Variants in MTNAP1 observed in about 807,000 individuals in gnomAD.
MTNAP1 encodes the protein mitochondrial nucleoid associated protein 1, also known as mitochondrial nucleoid-associated protein 1.
chr17:73,233,045 G>C, the MTNAP1 span: 1 of 152,676 alleles, frequency 6.5e-6, no homozygotes, highest in Admixed American at 6.5e-5. Context: ...GCTGGAGAGC[G>C]CCGGAGGTGA....
At chr17:73,247,320 C>T in the MTNAP1 span, 5 of 1,614,204 alleles carry the variant, frequency 3.1e-6, no homozygotes, top group South Asian at 3.3e-5. Context: ...GGGATTGCCG[C>T]TCTAAAACAT....
the MTNAP1 span, among the ~76,000 whole-genome samples, chr17:73,241,269 T>G: frequency 6.6e-6 from 1 of 152,214 alleles, no homozygotes; most frequent in Admixed American, 6.5e-5. Flanking sequence ...GCCATTCTCC[T>G]GCCTCAGTCT....
the MTNAP1 span, chr17:73,236,551 A>C: frequency 6.2e-7 from 1 of 1,614,102 alleles, no homozygotes; most frequent in Admixed American, 1.7e-5. Context: ...AAGTTTGTTC[A>C]TTCCGAGGGA....
chr17:73,236,484 C>T, the MTNAP1 span: 1 of 1,614,174 alleles, frequency 6.2e-7, no homozygotes, highest in Non-Finnish European at 8.5e-7. Flanking sequence ...GCTGTGAGAA[C>T]TTCAACACCA....
chr17:73,242,313 A>C, the MTNAP1 span: 1 of 1,605,266 alleles, frequency 6.2e-7, no homozygotes, highest in East Asian at 2.3e-5. Context: ...ACAACCTCCA[A>C]CTTCTCTCTA....
chr17:73,242,943 A>G, the MTNAP1 span: 1 of 1,614,058 alleles, frequency 6.2e-7, no homozygotes, highest in Non-Finnish European at 8.5e-7. Flanking sequence ...ATTCGGTGGC[A>G]TCACGATGCT....
chr17:73,247,566 C>A, the MTNAP1 span: 1 of 480,000 alleles, frequency 2.1e-6, no homozygotes, highest in South Asian at 2.7e-5. Flanking sequence ...TTAACTTAGT[C>A]ACAGTAAATA....
the MTNAP1 span, chr17:73,233,143 C>T: frequency 6.6e-6 from 1 of 152,268 alleles, no homozygotes; most frequent in African/African-American, 2.4e-5. Context: ...ACCTGTGTTT[C>T]TATTTGGTTC....
At chr17:73,247,928 T>C in the MTNAP1 span, 1 of 154,564 alleles carries the variant, frequency 6.5e-6, no homozygotes, top group Non-Finnish European at 1.4e-5. Context: ...TGCTCATTGC[T>C]GCCACCTGGG....
chr17:73,240,968 A>T, the MTNAP1 span, among the ~76,000 whole-genome samples: 1 of 152,112 alleles, frequency 6.6e-6, no homozygotes, highest in Admixed American at 6.6e-5. Context: ...ATTGTTCTTT[A>T]ATGATCATTT....
At chr17:73,236,022 T>C in the MTNAP1 span, 1 of 1,614,190 alleles carries the variant, frequency 6.2e-7, no homozygotes, top group Non-Finnish European at 8.5e-7. Context: ...CAATAGAACC[T>C]TCTTTGTCAA....
chr17:73,239,834 TTAAGTGACTTCCCTATGTTCATGCAG>T, the MTNAP1 span, among the ~76,000 whole-genome samples: 1 of 152,128 alleles, frequency 6.6e-6, no homozygotes, highest in Non-Finnish European at 1.5e-5. Context: ...GCTTCAGACA[TTAAGTGACTTCCCTATGTTCATGCAG>T]TAAGTGACAG....
At chr17:73,245,378 G>A in the MTNAP1 span, 17,049 of 1,294,082 alleles carry the variant, frequency 0.013, 131 homozygotes, top group Non-Finnish European at 0.015. Flanking sequence ...TATTAATATA[G>A]ACAGATCTGG....
the MTNAP1 span, chr17:73,235,863 A>G: frequency 1.2e-6 from 2 of 1,614,098 alleles, no homozygotes; most frequent in Non-Finnish European, 1.7e-6. Flanking sequence ...AAAATACTAA[A>G]CCAATGACTA....
At chr17:73,236,970 T>A in the MTNAP1 span, 11 of 1,582,720 alleles carry the variant, frequency 7.0e-6, no homozygotes, top group Non-Finnish European at 9.4e-6. Context: ...AACTTATCAG[T>A]CCCCAGGGGG....
the MTNAP1 span, chr17:73,232,748 A>C: frequency 6.8e-4 from 111 of 162,780 alleles, no homozygotes; most frequent in Middle Eastern, 2.8e-3. Context: ...GGAGCTTGCA[A>C]GGGCGGGTTT....
the MTNAP1 span, chr17:73,232,445 C>A: frequency 3.0e-6 from 3 of 983,742 alleles, no homozygotes; most frequent in Non-Finnish European, 4.3e-6. Flanking sequence ...GAAAGGACCT[C>A]CCCTGGGGTG....
the MTNAP1 span, among the ~76,000 whole-genome samples, chr17:73,234,312 G>A: frequency 7.9e-6 from 1 of 125,800 alleles, no homozygotes; most frequent in Non-Finnish European, 1.7e-5. Flanking sequence ...AAATATACAT[G>A]GTATAAATGT....
the MTNAP1 span, chr17:73,247,304 C>T: frequency 1.0e-4 from 167 of 1,614,076 alleles, 1 homozygote; most frequent in Middle Eastern, 8.2e-4. Flanking sequence ...GTGGCGAAGA[C>T]GACTGGGGAT....
Sources: allele counts gnomAD v4.1 joint callset (sites outside exome capture counted in the v4.1 genomes callset), GRCh38; gene constraint gnomAD v4.1.1; transcripts MANE v1.5; gene names NCBI Gene and HGNC (gene_info 2026-07-23, HGNC 2026-07-21).